RANBP2: variants seen among roughly 807,000 people sequenced by gnomAD.
RANBP2 encodes the protein E3 SUMO-protein ligase RanBP2.
Under a neutral mutation model 303.6 loss-of-function variants are expected in RANBP2, and 57 were observed. The observed-to-expected ratio is 0.19, with a 90% CI of 0.15 to 0.23. RANBP2 has a LOEUF of 0.23. RANBP2 is among the 10% of genes least tolerant of loss of function. The probability of loss-of-function intolerance (pLI) is 1.00; values close to 1 mark genes in which losing one functional copy is unlikely to be tolerated. For synonymous variants in RANBP2, 1,167 were observed against 1,301.5 expected (o/e 0.90, Z 2.23); for missense variants, 3,138 against 3,780.8 (o/e 0.83, Z 4.46).
rs2149280046 is a variant in RANBP2, at chr2:108,766,336, G to A, written c.5797G>A (p.Gly1933Ser). The change falls in exon 20 of 29, where the codon GGC becomes AGC. Residue 1933 changes from glycine to serine, a missense_variant. By Grantham distance (56) the Gly-to-Ser change is moderately conservative (BLOSUM62 0). This residue lies in a region of RANBP2 where 348 missense variants were observed against 360.4 expected (regional missense o/e 0.97). Coordinates refer to ENST00000283195, the MANE Select transcript of RANBP2 (RefSeq NM_006267.5). Reference protein sequence around the residue: ...QAQDISGQKNGRGVIFGQTSS... With the variant: ...QAQDISGQKNSRGVIFGQTSS... ...TCAGGATATTAGTGGCCAGAAGAAT[G>A]GCCGTGGTGTGATTTTTGGCCAAAC... 1 of 1,611,952 alleles carries A rather than the reference G, an allele frequency of 6.2e-7. No homozygotes were observed. Among genetic ancestry groups the A allele is most frequent in the Non-Finnish European group, 8.5e-7 (1 of 1,179,844 alleles).
At chr2:109,393,822 C>T in the RANBP2 span, among the ~76,000 whole-genome samples, 1 of 152,044 alleles carries the variant, frequency 6.6e-6, no homozygotes. Context: ...CACTGCTCTT[C>T]TTTTCATGTT....
At chr2:108,906,198 G>A in the RANBP2 span, 31 of 1,137,704 alleles carry the variant, frequency 2.7e-5, no homozygotes, top group Non-Finnish European at 3.7e-5. Context: ...TGCGGCAACT[G>A]GATGGGCGGC....
the RANBP2 span, among the ~76,000 whole-genome samples, chr2:108,809,275 C>T: frequency 2.0e-5 from 3 of 152,130 alleles, no homozygotes; most frequent in African/African-American, 7.2e-5. Flanking sequence ...GTTGTTTTCG[C>T]ACAGGATCGC....
At chr2:109,343,858 C>G in the RANBP2 span, among the ~76,000 whole-genome samples, 1 of 152,000 alleles carries the variant, frequency 6.6e-6, no homozygotes, top group Non-Finnish European at 1.5e-5. Flanking sequence ...AGTTTTCTTG[C>G]CTCAGCCTCC....
the RANBP2 span, among the ~76,000 whole-genome samples, chr2:108,887,153 T>TTTA: frequency 6.6e-6 from 1 of 152,044 alleles, no homozygotes; most frequent in Admixed American, 6.6e-5. Flanking sequence ...TTCCACAGTG[T>TTTA]TTAGTTCTTT....
chr2:109,091,800 G>C, the RANBP2 span, among the ~76,000 whole-genome samples: 1 of 152,142 alleles, frequency 6.6e-6, no homozygotes, highest in East Asian at 1.9e-4. Context: ...AATAGTCCTG[G>C]GAAGATGTCC....
At chr2:109,610,999 A>C in the RANBP2 span, among the ~76,000 whole-genome samples, 3 of 152,208 alleles carry the variant, frequency 2.0e-5, no homozygotes, top group African/African-American at 7.2e-5. Context: ...CTGCGTGCTA[A>C]CGGAGAACCC....
the RANBP2 span, chr2:108,882,454 A>C: frequency 6.6e-6 from 1 of 152,208 alleles, no homozygotes; most frequent in African/African-American, 2.4e-5. Context: ...ATCCTTTTCT[A>C]TGCTAGCAAA....
At chr2:109,279,236 C>G in the RANBP2 span, among the ~76,000 whole-genome samples, 1 of 152,214 alleles carries the variant, frequency 6.6e-6, no homozygotes, top group Non-Finnish European at 1.5e-5. Flanking sequence ...GAGAGCCCTG[C>G]TGACTTCTGA....
At chr2:109,252,117 G>A in the RANBP2 span, among the ~76,000 whole-genome samples, 1 of 152,074 alleles carries the variant, frequency 6.6e-6, no homozygotes, top group East Asian at 1.9e-4. Context: ...GGTGTCACAG[G>A]CCTATAGTCT....
At chr2:109,547,834 A>G in the RANBP2 span, among the ~76,000 whole-genome samples, 1 of 152,182 alleles carries the variant, frequency 6.6e-6, no homozygotes, top group Admixed American at 6.5e-5. Context: ...GCCATTGTTA[A>G]TAACAAAAAA....
chr2:109,625,087 C>CAAAAAAAAAAAAAAAAAAAAAA, the RANBP2 span, among the ~76,000 whole-genome samples: 2 of 60,114 alleles, frequency 3.3e-5, no homozygotes, highest in East Asian at 5.1e-4. Flanking sequence ...ACAACAACAA[C>CAAAAAAAAAAAAAAAAAAAAAA]AAAAAAAAAA....
At chr2:109,419,670 T>C in the RANBP2 span, 3 of 1,547,730 alleles carry the variant, frequency 1.9e-6, no homozygotes, top group South Asian at 1.2e-5. Context: ...TCTGTCGGGG[T>C]CCTGTGCCTG....
chr2:109,449,278 CG>C, the RANBP2 span: 1 of 1,610,556 alleles, frequency 6.2e-7, no homozygotes, highest in East Asian at 2.2e-5. Context: ...AGGCCCCACT[CG>C]GTGGTGTCCC....
the RANBP2 span, among the ~76,000 whole-genome samples, chr2:109,535,271 G>A: frequency 6.6e-6 from 1 of 151,990 alleles, no homozygotes; most frequent in East Asian, 1.9e-4. Context: ...GAAGTATAAC[G>A]TGGCAGAAAA....
At chr2:109,003,489 C>T in the RANBP2 span, among the ~76,000 whole-genome samples, 52 of 151,966 alleles carry the variant, frequency 3.4e-4, no homozygotes, top group Admixed American at 1.2e-3. Context: ...TGGCCCACTG[C>T]AACCTCCGTC....
At chr2:109,163,390 C>CTTTTTTT in the RANBP2 span, among the ~76,000 whole-genome samples, 8 of 70,266 alleles carry the variant, frequency 1.1e-4, 1 homozygote, top group African/African-American at 3.5e-4. Context: ...AGCAAATATT[C>CTTTTTTT]TTTTTTTTTT....
At chr2:109,060,155 T>TA in the RANBP2 span, among the ~76,000 whole-genome samples, 1 of 152,058 alleles carries the variant, frequency 6.6e-6, no homozygotes, top group Non-Finnish European at 1.5e-5. Flanking sequence ...TGAGCCAAGA[T>TA]CGCGCCACTG....
the RANBP2 span, among the ~76,000 whole-genome samples, chr2:109,284,386 G>T: frequency 1.3e-5 from 2 of 152,224 alleles, no homozygotes; most frequent in Admixed American, 1.3e-4. Flanking sequence ...TGAAATCAAT[G>T]GAATTTGGCA....
Sources: allele counts gnomAD v4.1 joint callset (sites outside exome capture counted in the v4.1 genomes callset), GRCh38; gene constraint gnomAD v4.1.1; regional missense constraint gnomAD v4.1.1; transcripts MANE v1.5; gene names NCBI Gene and HGNC (gene_info 2026-07-23, HGNC 2026-07-21).